The following NFIA variants were observed in gnomAD, a reference collection of about 807,000 sequenced individuals.
The protein encoded by NFIA is nuclear factor I A.
Under a neutral mutation model 62.8 loss-of-function variants are expected in NFIA, and 8 were observed. The ratio of observed to expected loss-of-function variants is 0.13; its 90% CI spans 0.07 to 0.23. NFIA has a LOEUF of 0.23. Ranked by LOEUF, NFIA falls within the 10% of genes least tolerant of loss-of-function variation. NFIA has a pLI of 1.00. For missense variants in NFIA, 410 were observed against 642.1 expected (o/e 0.64, Z 3.91); for synonymous variants, 235 against 238.1 (o/e 0.99, Z 0.12).
intron 2 of NFIA, among the ~76,000 whole-genome samples, chr1:61,172,635 G>C (rs976648372): frequency 3.3e-5 from 5 of 152,184 alleles, no homozygotes; most frequent in African/African-American, 1.2e-4. Flanking sequence ...GACTAGGGAA[G>C]GTCAGCTCTT....
intron 2 of NFIA, chr1:61,253,317 G>A (rs1274940100): frequency 6.6e-6 from 1 of 152,422 alleles, no homozygotes; most frequent in Non-Finnish European, 1.5e-5. Context: ...TGGGAGGCAG[G>A]TAGGGAAAAG....
At chr1:61,114,326 AT>A (rs951837302) in intron 2 of NFIA, among the ~76,000 whole-genome samples, 44 of 146,440 alleles carry the variant, frequency 3.0e-4, no homozygotes, top group African/African-American at 3.4e-4. Context: ...TCTTAAAAAA[AT>A]TTTTTTTTTT....
At chr1:61,108,132 A>G (rs893395577) in intron 2 of NFIA, among the ~76,000 whole-genome samples, 1 of 151,682 alleles carries the variant, frequency 6.6e-6, no homozygotes, top group East Asian at 1.9e-4. Flanking sequence ...ACCCCTCACT[A>G]TTCCATATAT....
intron 5 of NFIA, among the ~76,000 whole-genome samples, chr1:61,358,520 G>A (rs1237439383): frequency 6.6e-6 from 1 of 151,018 alleles, no homozygotes; most frequent in Non-Finnish European, 1.5e-5. Context: ...CGAGTAGCTG[G>A]GATTACAGGT....
chr1:61,081,674 T>C (rs1448284719), upstream of NFIA: 4 of 514,502 alleles, frequency 7.8e-6, no homozygotes, highest in East Asian at 1.5e-4. Flanking sequence ...ATAACGCTCA[T>C]TAATCTCCGC....
intron 2 of NFIA, among the ~76,000 whole-genome samples, chr1:61,201,846 A>G (rs550770262): frequency 6.6e-6 from 1 of 152,316 alleles, no homozygotes; most frequent in South Asian, 2.1e-4. Flanking sequence ...AAACTGTCAA[A>G]TAGCTCTAGT....
chr1:61,219,643 G>A (rs574467711), intron 2 of NFIA, among the ~76,000 whole-genome samples: 1 of 150,478 alleles, frequency 6.6e-6, no homozygotes, highest in African/African-American at 2.4e-5. Flanking sequence ...GAACGCGGGA[G>A]GCGGAGCTTG....
chr1:61,162,679 C>A lies in NFIA; in HGVS notation c.559+73999C>A, dbSNP rs151186934. 9.1e-3 allele frequency among the ~76,000 whole-genome samples: 1,389 copies of A among 152,294 alleles called. 17 individuals carry two copies. The highest frequency in any genetic ancestry group is 0.061 in the Middle Eastern group (18 of 294). ...ATGGAAAACAGTACTCTGAATCAGA[C>A]CCCATGGAGGGTGGAACATTCTGAT... On this transcript the variant is annotated intron_variant, in intron 2 of 10. Coordinates refer to ENST00000403491, the MANE Select transcript of NFIA (RefSeq NM_001134673.4).
chr1:61,080,778 G>C (rs1439127498), upstream of NFIA, among the ~76,000 whole-genome samples: 1 of 152,158 alleles, frequency 6.6e-6, no homozygotes, highest in Non-Finnish European at 1.5e-5. Flanking sequence ...GGGAGGGTGG[G>C]AGAGAGAATG....
At chr1:61,143,301 C>T (rs780691602) in intron 2 of NFIA, among the ~76,000 whole-genome samples, 9 of 152,148 alleles carry the variant, frequency 5.9e-5, no homozygotes, top group Non-Finnish European at 1.0e-4. Context: ...CCTTGACAAA[C>T]GTATGTTTGT....
At chr1:61,114,294 T>C (rs1282962980) in intron 2 of NFIA, among the ~76,000 whole-genome samples, 1 of 152,174 alleles carries the variant, frequency 6.6e-6, no homozygotes, top group Non-Finnish European at 1.5e-5. Flanking sequence ...CATTCTAGCC[T>C]GGACAACATA....
At chr1:61,226,874 A>G (rs1038744599) in intron 2 of NFIA, among the ~76,000 whole-genome samples, 9 of 152,206 alleles carry the variant, frequency 5.9e-5, no homozygotes, top group Non-Finnish European at 5.9e-5. Flanking sequence ...TCAGCCAAGT[A>G]TGCCATTCCG....
chr1:61,115,915 G>A (rs916549022), intron 2 of NFIA, among the ~76,000 whole-genome samples: 4 of 152,106 alleles, frequency 2.6e-5, no homozygotes, highest in Non-Finnish European at 5.9e-5. Context: ...CTAAAAAGGT[G>A]GTGAAGACCA....
intron 2 of NFIA, among the ~76,000 whole-genome samples, chr1:61,166,905 G>T (rs1395005704): frequency 6.6e-6 from 1 of 152,224 alleles, no homozygotes; most frequent in Non-Finnish European, 1.5e-5. Flanking sequence ...ACTTTGGGAG[G>T]CCAAGGCGGG....
chr1:61,159,055 T>C (rs1648998919), intron 2 of NFIA, among the ~76,000 whole-genome samples: 1 of 152,220 alleles, frequency 6.6e-6, no homozygotes, highest in African/African-American at 2.4e-5. Context: ...GATCACTGTC[T>C]TGTTTTTTTT....
At chr1:61,162,862 G>A (rs1649312682) in intron 2 of NFIA, among the ~76,000 whole-genome samples, 1 of 151,562 alleles carries the variant, frequency 6.6e-6, no homozygotes, top group Non-Finnish European at 1.5e-5. Flanking sequence ...ATGGAAAATG[G>A]CTGAGGAAAA....
intron 2 of NFIA, among the ~76,000 whole-genome samples, chr1:61,271,917 C>A (rs1657530176): frequency 6.6e-6 from 1 of 152,138 alleles, no homozygotes; most frequent in Non-Finnish European, 1.5e-5. Context: ...ATTTTTAAAG[C>A]TTAAGAAAAC....
intron 5 of NFIA, among the ~76,000 whole-genome samples, chr1:61,358,379 CTTTTTTTTTTT>C (rs34853369): frequency 1.9e-5 from 1 of 52,616 alleles, no homozygotes; most frequent in East Asian, 6.4e-4. Flanking sequence ...TTCTTTCTTT[CTTTTTTTTTTT>C]TTTTTTTTTT....
At chr1:61,412,544 G>A (rs902961928) in intron 9 of NFIA, among the ~76,000 whole-genome samples, 5 of 152,200 alleles carry the variant, frequency 3.3e-5, no homozygotes, top group Non-Finnish European at 7.3e-5. Flanking sequence ...AACTAGGATA[G>A]AGTTGCCAGC....
Sources: allele counts gnomAD v4.1 joint callset (sites outside exome capture counted in the v4.1 genomes callset), GRCh38; gene constraint gnomAD v4.1.1; transcripts MANE v1.5; gene names NCBI Gene and HGNC (gene_info 2026-07-23, HGNC 2026-07-21).